The following ARHGAP39 variants were observed in gnomAD, a reference collection of about 807,000 sequenced individuals.
ARHGAP39 encodes the protein Rho GTPase activating protein 39, also known as rho GTPase-activating protein 39.
Under a neutral mutation model 106.9 loss-of-function variants are expected in ARHGAP39, and 44 were observed. The observed-to-expected ratio is 0.41, with a 90% CI of 0.32 to 0.53. The LOEUF (loss-of-function observed/expected upper bound fraction) is 0.53, where lower values mean the gene tolerates loss of function less well. Ranked by LOEUF, ARHGAP39 falls within the 20% of genes least tolerant of loss-of-function variation. ARHGAP39 has a pLI of 0.21. For synonymous variants in ARHGAP39, 768 were observed against 693.2 expected (o/e 1.11, Z -1.69); for missense variants, 1,496 against 1,577.3 (o/e 0.95, Z 0.87).
In ARHGAP39 at chr8:144,586,979, G is replaced by A. The variant is rs1259280770; in HGVS notation, c.81-5702C>T. Among the ~76,000 whole-genome samples the A allele has an allele frequency of 1.3e-5, 2 of 152,172 alleles. No individual in the cohort carries two copies. Among genetic ancestry groups the A allele is most frequent in the African/African-American group, 2.4e-5 (1 of 41,436 alleles). On this transcript the variant is annotated intron_variant, in intron 2 of 11. Transcript: ENST00000377307. The surrounding 1 kb of genome is among the most constrained non-coding windows in gnomAD (Gnocchi z 4.2). ...AAGTGGAGGTAACTGAATCATGGGG[G>A]TGGCCTCCCCCATCCTGTTCTCGTG...
intron 3 of ARHGAP39, among the ~76,000 whole-genome samples, chr8:144,563,636 T>A (rs1176142006): frequency 2.6e-5 from 4 of 151,266 alleles, no homozygotes; most frequent in Non-Finnish European, 4.4e-5. Flanking sequence ...AAAAAAATAA[T>A]AATAATAAAA....
chr8:144,664,713 T>C (rs552304167), intron 1 of ARHGAP39, among the ~76,000 whole-genome samples: 1 of 151,978 alleles, frequency 6.6e-6, no homozygotes, highest in East Asian at 1.9e-4. Context: ...GCTTCCACTT[T>C]TGCTTCTTCC....
rs964507060 is a variant in ARHGAP39, at chr8:144,586,226, C to T, written c.81-4949G>A. ...GAACTCCTGACCTCAAGTGATCTGCCCGCCTTGGCTTCCCAAAGTGTTGGG... is the reference window on the plus strand; with the variant it reads ...GAACTCCTGACCTCAAGTGATCTGCTCGCCTTGGCTTCCCAAAGTGTTGGG... On this transcript the variant is annotated intron_variant, in intron 2 of 11. Transcript: ENST00000377307. This position sits in a 1 kb window ranked among gnomAD's most constrained non-coding sequence, Gnocchi z 4.2. The T allele has an allele frequency of 6.6e-6, 1 of 152,304 alleles. No individual in the cohort carries two copies. Among genetic ancestry groups the T allele is most frequent in the Non-Finnish European group, 1.5e-5 (1 of 68,092 alleles). 9.4% of individuals were successfully genotyped at this position (152,304 alleles called of 1,614,324 possible).
intron 3 of ARHGAP39, among the ~76,000 whole-genome samples, chr8:144,561,685 C>T (rs1032942411): frequency 1.2e-4 from 18 of 147,788 alleles, no homozygotes; most frequent in East Asian, 2.0e-4. Flanking sequence ...GTTTCCATCG[C>T]GCTCCAGTGG....
At chr8:144,617,284 G>A (rs1043506503) in intron 1 of ARHGAP39, among the ~76,000 whole-genome samples, 4 of 151,920 alleles carry the variant, frequency 2.6e-5, no homozygotes, top group Middle Eastern at 3.4e-3. Context: ...GTGATGGTAC[G>A]AGGGCCTGGC....
chr8:144,568,207 G>A (rs1026340949), intron 3 of ARHGAP39, among the ~76,000 whole-genome samples: 3 of 151,840 alleles, frequency 2.0e-5, no homozygotes, highest in African/African-American at 7.3e-5. Context: ...GGTGGCACAC[G>A]CCTGTAGTCC....
rs1335944369 is a variant in ARHGAP39, at chr8:144,545,553, C to A, written c.2217G>T (p.Val739=). The change falls in exon 6 of 12, where the codon GTG becomes GTT. Residue 739 remains valine, a synonymous_variant. Coordinates refer to ENST00000377307, the MANE Select transcript of ARHGAP39 (RefSeq NM_025251.3). ...TGAAGAGCTCGCAGGCCTCCTTCTT[C>A]ACGTGCCGGTCGCTTGTCACGATCA... The part of the protein sequence containing the change: ...KPMIVTSDRH[V]KKEACELFKL... 6.2e-7 allele frequency: 1 copy of A among 1,613,762 alleles called. No homozygotes were observed. The highest frequency in any genetic ancestry group is 1.1e-5 in the South Asian group (1 of 91,076).
At chr8:144,609,395 TC>T (rs1465862776) in intron 1 of ARHGAP39, among the ~76,000 whole-genome samples, 133 of 149,202 alleles carry the variant, frequency 8.9e-4, no homozygotes, top group African/African-American at 3.2e-3. Context: ...CGATGTATTG[TC>T]CTTTTTTTTT....
chr8:144,646,555 T>C lies in ARHGAP39; in HGVS notation c.-82+39131A>G, dbSNP rs1001748880. Among the ~76,000 whole-genome samples, 1 of 152,008 alleles carries C rather than the reference T, an allele frequency of 6.6e-6. No homozygotes were observed. The highest frequency in any genetic ancestry group is 1.5e-5 in the Non-Finnish European group (1 of 67,988). Reference sequence around the variant, plus strand: ...CGGCTGCCTCTGAGAACAACTGGGGTGGGCACAGGCTGGCGGGCATGGAAG... The same window carrying C: ...CGGCTGCCTCTGAGAACAACTGGGGCGGGCACAGGCTGGCGGGCATGGAAG... On this transcript the variant is annotated intron_variant, in intron 1 of 11. Transcript: ENST00000377307. This position sits in a 1 kb window ranked among gnomAD's most constrained non-coding sequence, Gnocchi z 5.7.
rs993920415 is a variant in ARHGAP39, at chr8:144,548,448, A to G, written c.638T>C (p.Met213Thr). ...CTCCCGATCAGCGACCTTGATGAGCATGCGCTCTTTGGCGCCCGAGTTCCA... is the reference window on the plus strand; with the variant it reads ...CTCCCGATCAGCGACCTTGATGAGCGTGCGCTCTTTGGCGCCCGAGTTCCA... Reference protein sequence around the residue: ...LRWNSGAKERMLIKVADREPS... With the variant: ...LRWNSGAKERTLIKVADREPS... The change falls in exon 5 of 12, where the codon ATG becomes ACG. Residue 213 changes from methionine to threonine, a missense_variant. Around this residue, in one of 4 missense-constraint regions of ARHGAP39, gnomAD observed 905 missense variants for 816.4 expected, o/e 1.11. Transcript: ENST00000377307. The surrounding 1 kb of genome is among the most constrained non-coding windows in gnomAD (Gnocchi z 7.4). The G allele has an allele frequency of 4.0e-5, 64 of 1,610,690 alleles. No homozygotes were observed. Among genetic ancestry groups the G allele is most frequent in the Non-Finnish European group, 5.3e-5 (62 of 1,179,624 alleles).
At chr8:144,564,516 C>A (rs1818320223) in intron 3 of ARHGAP39, among the ~76,000 whole-genome samples, 1 of 152,150 alleles carries the variant, frequency 6.6e-6, no homozygotes, top group African/African-American at 2.4e-5. Context: ...AACCTAACCC[C>A]AAACTGACAC....
upstream of ARHGAP39, among the ~76,000 whole-genome samples, chr8:144,686,051 A>G (rs1822583269): frequency 6.6e-6 from 1 of 151,404 alleles, no homozygotes; most frequent in African/African-American, 2.4e-5. Context: ...TCGCCGCGCC[A>G]GAGGCCTCCC....
At chr8:144,669,928 C>T (rs748460654) in intron 1 of ARHGAP39, among the ~76,000 whole-genome samples, 1 of 152,152 alleles carries the variant, frequency 6.6e-6, no homozygotes, top group Non-Finnish European at 1.5e-5. Context: ...AAACGTAGGA[C>T]GGGGCAGCTG....
At position 144,547,697 on chromosome 8, in the gene ARHGAP39, C is replaced by T. The variant is rs777285062; in HGVS notation, c.1389G>A (p.Thr463=). The part of the protein sequence containing the change: ...GPELRHSQPP[T]PLPQAQEDAM... ...CATCCTCCTGGGCCTGTGGCAGCGG[C>T]GTGGGCGGCTGGCTGTGCCGCAGCT... Residue 463 remains threonine (T), a synonymous_variant, in exon 5 of 12, where the codon ACG becomes ACA. Transcript: ENST00000377307. The surrounding 1 kb of genome is among the most constrained non-coding windows in gnomAD (Gnocchi z 5.2). 5.7e-6 allele frequency: 9 copies of T among 1,584,872 alleles called. No homozygotes were observed. In the East Asian group the frequency reaches 6.8e-5, roughly 12 times the overall value.
intron 6 of ARHGAP39, among the ~76,000 whole-genome samples, chr8:144,538,550 T>A (rs1817057203): frequency 6.6e-6 from 1 of 152,216 alleles, no homozygotes; most frequent in African/African-American, 2.4e-5. Flanking sequence ...CTCATTTATA[T>A]CAGTATGGAC....
At chr8:144,682,416 G>T (rs573908951) in intron 1 of ARHGAP39, among the ~76,000 whole-genome samples, 1 of 150,658 alleles carries the variant, frequency 6.6e-6, no homozygotes, top group African/African-American at 2.4e-5. Context: ...AGGCGTGGTG[G>T]CAGGTGCCTG....
In ARHGAP39 at chr8:144,581,271, C is replaced by A; in HGVS notation, c.87G>T (p.Glu29Asp). 6.5e-7 allele frequency: 1 copy of A among 1,546,016 alleles called. No homozygotes were observed. Among genetic ancestry groups the A allele is most frequent in the African/African-American group, 1.4e-5 (1 of 73,274 alleles). The change falls in exon 3 of 12, where the codon GAG becomes GAT. Residue 29 changes from glutamate (E) to aspartate (D), a missense_variant. By Grantham distance (45) the Glu-to-Asp change is conservative. This residue lies in a region of ARHGAP39 where 96 missense variants were observed against 107.9 expected (regional missense o/e 0.89). Coordinates refer to ENST00000377307, the MANE Select transcript of ARHGAP39 (RefSeq NM_025251.3). ...SRIPGSNTRL[E>D]WVEIIEPRTR... ...TGCGCGGTTCGATGATCTCCACCCA[C>A]TCCAACCTGGGGAGAGACAGGGTTA...
At chr8:144,700,079 C>T in the ARHGAP39 span, among the ~76,000 whole-genome samples, 1 of 152,238 alleles carries the variant, frequency 6.6e-6, no homozygotes, top group African/African-American at 2.4e-5. This position sits in a 1 kb window ranked among gnomAD's most constrained non-coding sequence, Gnocchi z 5.6. Flanking sequence ...ACGGCCGCTC[C>T]CCGTTCCCTG....
chr8:144,615,332 A>G (rs941556157), intron 1 of ARHGAP39, among the ~76,000 whole-genome samples: 7 of 150,152 alleles, frequency 4.7e-5, no homozygotes, highest in Admixed American at 2.0e-4. Context: ...AAAAATTAGA[A>G]AAAAAAAAAC....
Sources: gnomAD v4.1 joint callset for allele counts (sites outside exome capture counted in the v4.1 genomes callset) on GRCh38, gnomAD v4.1.1 for gene constraint, gnomAD v4.1.1 regional missense constraint, Gnocchi (gnomAD v3.1) non-coding constraint, MANE v1.5 for transcripts, NCBI Gene and HGNC (gene_info 2026-07-23, HGNC 2026-07-21) for gene names.